Variants in ANKRD44 observed in about 807,000 individuals in gnomAD.
ANKRD44 encodes the protein ankyrin repeat domain 44, also known as serine/threonine-protein phosphatase 6 regulatory ankyrin repeat subunit B.
ANKRD44 carries 35 observed loss-of-function variants against 116.0 expected under a neutral mutation model. That is an observed-to-expected ratio of 0.30 (90% confidence interval 0.23 to 0.40). The LOEUF (loss-of-function observed/expected upper bound fraction) is 0.40. ANKRD44 is among the 10% of genes least tolerant of loss of function. ANKRD44 has a pLI of 1.00. For missense variants in ANKRD44, 1,014 were observed against 1,242.6 expected (o/e 0.82, Z 2.77); for synonymous variants, 435 against 461.8 (o/e 0.94, Z 0.74).
intron 16 of ANKRD44, among the ~76,000 whole-genome samples, chr2:197,062,563 A>G (rs1336970195): frequency 2.6e-5 from 4 of 152,220 alleles, no homozygotes; most frequent in Non-Finnish European, 4.4e-5. Flanking sequence ...GCAAGGGGTC[A>G]GGGAATTCCC....
At chr2:197,119,209 T>C (rs2078795289) in intron 8 of ANKRD44, among the ~76,000 whole-genome samples, 1 of 151,876 alleles carries the variant, frequency 6.6e-6, no homozygotes, top group African/African-American at 2.4e-5. Context: ...TTATTTTCCT[T>C]TTTTTTTCCT....
intron 9 of ANKRD44, among the ~76,000 whole-genome samples, chr2:197,101,096 A>T (rs749329908): frequency 1.3e-5 from 2 of 152,152 alleles, no homozygotes; most frequent in Non-Finnish European, 2.9e-5. Flanking sequence ...GCATATTCCA[A>T]TTTCTCAGAC....
At chr2:196,969,291 T>G (rs1357301836) in intron 21 of ANKRD44, among the ~76,000 whole-genome samples, 1 of 152,226 alleles carries the variant, frequency 6.6e-6, no homozygotes, top group Non-Finnish European at 1.5e-5. Context: ...CGAGAGGTTC[T>G]CATGTGCTAA....
chr2:197,252,688 A>G (rs947614734), intron 1 of ANKRD44, among the ~76,000 whole-genome samples: 3 of 152,244 alleles, frequency 2.0e-5, no homozygotes, highest in East Asian at 3.9e-4. Context: ...ATAAGCCACT[A>G]TATTTTTTAA....
chr2:197,024,381 G>C (rs1365481984), intron 17 of ANKRD44, among the ~76,000 whole-genome samples: 1 of 152,202 alleles, frequency 6.6e-6, no homozygotes, highest in Non-Finnish European at 1.5e-5. Context: ...CAATTCAGCA[G>C]CACCAAGGGC....
At chr2:196,999,349 T>C (rs757335370) in intron 23 of ANKRD44, among the ~76,000 whole-genome samples, 92 of 152,168 alleles carry the variant, frequency 6.0e-4, no homozygotes, top group South Asian at 8.3e-4. Flanking sequence ...ATCTTTGAGA[T>C]AGATACTTTA....
chr2:197,158,401 G>C lies in ANKRD44; in HGVS notation c.112-11296C>G, dbSNP rs571265109. 2.0e-5 allele frequency among the ~76,000 whole-genome samples: 3 copies of C among 152,328 alleles called. No individual in the cohort carries two copies. The East Asian group carries it at 5.8e-4, about 29-fold the overall frequency. On this transcript the variant is annotated intron_variant, in intron 2 of 27. Coordinates refer to ENST00000282272, the MANE Select transcript of ANKRD44 (RefSeq NM_001195144.2). Reference sequence around the variant, plus strand: ...ACTGCTCTAACCAGTGAGGCGAGAAGTCTAGTTTCAGTTACGGCCCCACCA... The same window carrying C: ...ACTGCTCTAACCAGTGAGGCGAGAACTCTAGTTTCAGTTACGGCCCCACCA...
At chr2:197,034,290 T>C (rs1047689737) in intron 16 of ANKRD44, among the ~76,000 whole-genome samples, 4 of 152,098 alleles carry the variant, frequency 2.6e-5, no homozygotes, top group African/African-American at 4.8e-5. Flanking sequence ...CACATAGAGC[T>C]TGTAGTTATA....
At chr2:197,035,904 T>C (rs2076798116) in intron 16 of ANKRD44, among the ~76,000 whole-genome samples, 2 of 152,050 alleles carry the variant, frequency 1.3e-5, no homozygotes, top group Admixed American at 1.3e-4. Flanking sequence ...CATAGGCCTT[T>C]TGGTCTCAGA....
At chr2:197,290,801 G>GT (rs1176698056) in intron 1 of ANKRD44, among the ~76,000 whole-genome samples, 1 of 148,750 alleles carries the variant, frequency 6.7e-6, no homozygotes, top group Admixed American at 6.6e-5. Flanking sequence ...TTGTTTGTTT[G>GT]TTTTTTGTTT....
intron 4 of ANKRD44, chr2:197,133,901 C>G (rs1386828550): frequency 1.3e-5 from 2 of 151,376 alleles, no homozygotes; most frequent in African/African-American, 4.9e-5. Context: ...ACAATGGTTA[C>G]AGAGACTCCA....
chr2:197,184,501 C>G (rs1212396452), intron 2 of ANKRD44, among the ~76,000 whole-genome samples: 1 of 151,786 alleles, frequency 6.6e-6, no homozygotes, highest in Non-Finnish European at 1.5e-5. Flanking sequence ...ATTAGCTGGG[C>G]ATGATGGCGG....
intron 2 of ANKRD44, among the ~76,000 whole-genome samples, chr2:197,164,898 A>T (rs534289198): frequency 2.5e-4 from 38 of 151,848 alleles, no homozygotes; most frequent in African/African-American, 8.9e-4. Context: ...TGGGCCCTGG[A>T]GGCGGAAGAA....
intron 1 of ANKRD44, among the ~76,000 whole-genome samples, 200 bp downstream of exon 1, chr2:197,310,378 G>A (rs944684776): frequency 6.8e-6 from 1 of 146,576 alleles, no homozygotes; most frequent in South Asian, 2.1e-4. Flanking sequence ...GCGCAGTTCC[G>A]ACGGCCCAGG....
chr2:197,240,529 C>T (rs2082069914), intron 1 of ANKRD44, among the ~76,000 whole-genome samples: 1 of 151,408 alleles, frequency 6.6e-6, no homozygotes, highest in Non-Finnish European at 1.5e-5. Flanking sequence ...GTTCTAAAAA[C>T]AGCAATCTAG....
chr2:197,157,214 C>T (rs1224088530), intron 2 of ANKRD44, among the ~76,000 whole-genome samples: 1 of 152,058 alleles, frequency 6.6e-6, no homozygotes, highest in African/African-American at 2.4e-5. Context: ...TACCCCTAAG[C>T]AACAAAATTT....
rs2075859585 is a variant in ANKRD44, at chr2:196,988,098, A to G, written c.*1493T>C. 1.0e-6 allele frequency: 1 copy of G among 985,434 alleles called. No homozygotes were observed. 61.0% of individuals were successfully genotyped at this position (985,434 alleles called of 1,614,324 possible). On this transcript the variant is annotated 3_prime_UTR_variant, in exon 28 of 28. Coordinates refer to ENST00000282272, the MANE Select transcript of ANKRD44 (RefSeq NM_001195144.2). ...GTGGGAAAAGTCAAAACGCAGCTCC[A>G]TGGAGATAACGTCTCATGGTGAGTC... is the stretch of plus-strand genomic sequence containing the variant.
rs376235483 is a variant in ANKRD44, at chr2:196,993,614, T to C, written c.2892A>G (p.Lys964=). The C allele has an allele frequency of 1.5e-5, 23 of 1,550,584 alleles. No individual in the cohort carries two copies. In the East Asian group the frequency reaches 2.9e-4, roughly 20 times the overall value. Residue 964 remains lysine (K), a synonymous_variant, in exon 27 of 28, where the codon AAA becomes AAG. Coordinates refer to ENST00000282272, the MANE Select transcript of ANKRD44 (RefSeq NM_001195144.2). ...LKVVVEELLA[K]GACVLAVDEN... ...CATCTACAGCAAGTACACAGGCCCC[T>C]TTGGCCAGCAACTCCTCAACTACCA...
rs1297731253 is a variant in ANKRD44 at position 197,201,682 on chromosome 2, G to A, written c.28-14576C>T. 6.6e-6 allele frequency among the ~76,000 whole-genome samples: 1 copy of A among 152,174 alleles called. No homozygotes were observed. The highest frequency in any genetic ancestry group is 1.5e-5 in the Non-Finnish European group (1 of 68,020). ...TTTATATTTTGTTTTTGTGTTTTGT[G>A]TTTTTATTTCAGATGCAGGGGATAC... On this transcript the variant is annotated intron_variant, in intron 1 of 27. Transcript: ENST00000282272. This position sits in a 1 kb window ranked among gnomAD's most constrained non-coding sequence, Gnocchi z 4.0.
Sources: gnomAD v4.1 joint callset for allele counts (sites outside exome capture counted in the v4.1 genomes callset) on GRCh38, gnomAD v4.1.1 for gene constraint, Gnocchi (gnomAD v3.1) non-coding constraint, MANE v1.5 for transcripts, NCBI Gene and HGNC (gene_info 2026-07-23, HGNC 2026-07-21) for gene names.